Variants in AKAP13 observed in about 807,000 individuals in gnomAD.
The protein encoded by AKAP13 is A-kinase anchoring protein 13, also known as A-kinase anchor protein 13.
In AKAP13, 80 loss-of-function variants were observed where a neutral mutation model predicts 264.5. The ratio of observed to expected loss-of-function variants is 0.30; its 90% CI spans 0.25 to 0.36. The LOEUF is 0.36. Among genes scored for constraint, AKAP13 ranks in the 10% least tolerant of loss-of-function variants. AKAP13 has a pLI of 1.00. For missense variants in AKAP13, 3,712 were observed against 3,435.2 expected (o/e 1.08, Z -2.01); for synonymous variants, 1,380 against 1,250.2 (o/e 1.10, Z -2.19).
At chr15:85,610,296 G>C (rs1353641646) in intron 8 of AKAP13, among the ~76,000 whole-genome samples, 1 of 152,122 alleles carries the variant, frequency 6.6e-6, no homozygotes, top group East Asian at 1.9e-4. Context: ...CTCACTTGTT[G>C]CCTCTTCCCT....
intron 2 of AKAP13, among the ~76,000 whole-genome samples, chr15:85,485,966 A>T (rs2075528173): frequency 6.6e-6 from 1 of 152,240 alleles, no homozygotes; most frequent in South Asian, 2.1e-4. Flanking sequence ...TAATACCTGT[A>T]AGACTTGAGA....
chr15:85,414,622 AATAAG>A (rs1462686555), intron 1 of AKAP13, among the ~76,000 whole-genome samples: 4 of 152,178 alleles, frequency 2.6e-5, no homozygotes, highest in Non-Finnish European at 5.9e-5. Flanking sequence ...GGAGCTCCAA[AATAAG>A]ATAAGGAAGT....
In AKAP13 at chr15:85,638,001, C is replaced by T. The variant is rs1242296483; in HGVS notation, c.4162-1373C>T. Among the ~76,000 whole-genome samples the T allele has an allele frequency of 1.8e-4, 15 of 85,310 alleles. No individual in the cohort carries two copies. In the East Asian group the frequency reaches 0.015, roughly 86 times the overall value. The allele number at this position is 85,310 out of a possible 152,430, so 56.0% of individuals were successfully genotyped here. On this transcript the variant is annotated intron_variant, in intron 8 of 36. Coordinates refer to ENST00000394518, the MANE Select transcript of AKAP13 (RefSeq NM_007200.5). ...TGCCGTTCTGCCTCAGCCTCCTGAC[C>T]CTGAGTAGCTGCGACTGCAGGCGCC...
At position 85,727,128 on chromosome 15, in the gene AKAP13, G is replaced by A. The variant is rs1328039634; in HGVS notation, c.6885G>A (p.Glu2295=). 6.2e-7 allele frequency: 1 copy of A among 1,614,112 alleles called. No homozygotes were observed. Residue 2295 remains glutamate (E), a synonymous_variant, in exon 28 of 37, where the codon GAG becomes GAA. Transcript: ENST00000394518. The surrounding 1 kb of genome is among the most constrained non-coding windows in gnomAD (Gnocchi z 5.3). ...KLIVREVAHE[E]KGLFLISMGM... ...TTGTGAGAGAAGTGGCACATGAGGA[G>A]AAAGGTTTATTCCTGATCAGCATGG...
chr15:85,576,805 T>C (rs939744821), intron 6 of AKAP13, among the ~76,000 whole-genome samples: 1 of 152,222 alleles, frequency 6.6e-6, no homozygotes, highest in South Asian at 2.1e-4. Flanking sequence ...TCCTTAGAGC[T>C]CTTTTTACTA....
rs183956121 is a variant in AKAP13 at position 85,748,657 on chromosome 15, G to T, written c.*3980G>T. 6.6e-6 allele frequency: 1 copy of T among 152,190 alleles called. No individual in the cohort carries two copies. Among genetic ancestry groups the T allele is most frequent in the Non-Finnish European group, 1.5e-5 (1 of 68,046 alleles). The allele number at this position is 152,190 out of a possible 1,614,324, so 9.4% of individuals were successfully genotyped here. On this transcript the variant is annotated 3_prime_UTR_variant, in exon 37 of 37. Coordinates refer to ENST00000394518, the MANE Select transcript of AKAP13 (RefSeq NM_007200.5). ...TGCTGCCATAAAAGGGAGGCGGGGG[G>T]GAGGAAGGGAAAATAAAGGCATCTT...
intron 16 of AKAP13, among the ~76,000 whole-genome samples, chr15:85,686,464 A>G (rs761617589): frequency 2.0e-5 from 3 of 152,192 alleles, no homozygotes; most frequent in Non-Finnish European, 4.4e-5. Context: ...CAAACGTGCC[A>G]CAAGAATTGT....
In AKAP13 at chr15:85,508,906, T is replaced by C. The variant is rs140343351; in HGVS notation, c.34-12522T>C. ...ATTCAGGTTTCAGCTCAAATTTGCC[T>C]TCCTTGGAGGAGCTTTTCCAGACCA... is the stretch of plus-strand genomic sequence containing the variant. On this transcript the variant is annotated intron_variant, in intron 2 of 36. Coordinates refer to ENST00000394518, the MANE Select transcript of AKAP13 (RefSeq NM_007200.5). Among the ~76,000 whole-genome samples, 99 of 152,276 alleles carry C rather than the reference T, an allele frequency of 6.5e-4. 1 individual carries two copies. Among genetic ancestry groups the C allele is most frequent in the African/African-American group, 2.3e-3 (95 of 41,562 alleles).
chr15:85,705,226 C>T (rs1057326362), intron 17 of AKAP13, among the ~76,000 whole-genome samples: 8 of 152,224 alleles, frequency 5.3e-5, no homozygotes, highest in East Asian at 1.9e-4. Context: ...AACCTTTTTA[C>T]GTGATAGTGC....
rs375977980 is a variant in AKAP13 at position 85,581,307 on chromosome 15, C to A, written c.3239C>A (p.Ala1080Asp). 39 of 1,614,050 alleles carry A rather than the reference C, an allele frequency of 2.4e-5. No homozygotes were observed. The highest frequency in any genetic ancestry group is 1.9e-5 in the Non-Finnish European group (23 of 1,180,040). Reference protein sequence around the residue: ...KNTQSQGKTSACEVSGDVTVD... With the variant: ...KNTQSQGKTSDCEVSGDVTVD... The stretch of plus-strand genomic sequence containing the variant: ...ACTCAATCCCAGGGAAAAACTAGTG[C>A]CTGTGAGGTGAGTGGAGATGTGACG... The change falls in exon 7 of 37, where the codon GCC (alanine) becomes GAC (aspartate). Residue 1080 changes from alanine (A) to aspartate (D), a missense_variant. By Grantham distance (126) the Ala-to-Asp change is moderately radical. Transcript: ENST00000394518.
At chr15:85,402,182 A>G (rs774104494) in intron 1 of AKAP13, among the ~76,000 whole-genome samples, 5 of 152,174 alleles carry the variant, frequency 3.3e-5, no homozygotes, top group Non-Finnish European at 5.9e-5. Flanking sequence ...GAATTACATC[A>G]AGGGCCCAAG....
chr15:85,640,367 A>G (rs1386928542), intron 9 of AKAP13, among the ~76,000 whole-genome samples: 1 of 152,100 alleles, frequency 6.6e-6, no homozygotes, highest in African/African-American at 2.4e-5. Context: ...CCTAGTCTTC[A>G]TTTGCAGGTC....
chr15:85,494,160 C>T (rs1355580991), intron 2 of AKAP13, among the ~76,000 whole-genome samples: 3 of 152,282 alleles, frequency 2.0e-5, no homozygotes, highest in East Asian at 3.9e-4. Flanking sequence ...GATTCAATAC[C>T]ACCTTAACTA....
In AKAP13 at chr15:85,743,574, C is replaced by G; in HGVS notation, c.8141C>G (p.Ser2714Cys). The G allele has an allele frequency of 6.2e-7, 1 of 1,614,226 alleles. No individual in the cohort carries two copies. The highest frequency in any genetic ancestry group is 8.5e-7 in the Non-Finnish European group (1 of 1,180,044). Reference protein sequence around the residue: ...PEEPPSPSAPSIAKSGSLDSE... With the variant: ...PEEPPSPSAPCIAKSGSLDSE... ...GAGCCCCCCTCGCCATCTGCACCTT[C>G]CATAGCCAAATCAGGGTCATTGGAC... The change falls in exon 36 of 37, where the codon TCC (serine) becomes TGC (cysteine). Residue 2714 changes from serine to cysteine, a missense_variant. Physicochemically the swap from Ser to Cys is moderately radical, Grantham distance 112. Around this residue, in one of 3 missense-constraint regions of AKAP13, gnomAD observed 611 missense variants for 539.3 expected, o/e 1.13. Transcript: ENST00000394518.
chr15:85,478,196 A>G (rs2075237577), intron 1 of AKAP13, among the ~76,000 whole-genome samples: 1 of 152,246 alleles, frequency 6.6e-6, no homozygotes, highest in South Asian at 2.1e-4. Context: ...CTAAAGCTCA[A>G]TAACTTAGTA....
chr15:85,589,092 G>A (rs2151325628), intron 8 of AKAP13, among the ~76,000 whole-genome samples: 2 of 152,222 alleles, frequency 1.3e-5, no homozygotes, highest in South Asian at 2.1e-4. Flanking sequence ...ACTCTTCTCC[G>A]TGGTGCTCTG....
intron 2 of AKAP13, among the ~76,000 whole-genome samples, chr15:85,504,529 A>G (rs1280572889): frequency 2.2e-4 from 30 of 136,852 alleles, no homozygotes; most frequent in Admixed American, 3.7e-4. Flanking sequence ...AAAAAAAAAA[A>G]AAAAAAGAAA....
chr15:85,711,412 C>G (rs1188783436), intron 19 of AKAP13, among the ~76,000 whole-genome samples: 1 of 152,032 alleles, frequency 6.6e-6, no homozygotes, highest in African/African-American at 2.4e-5. Context: ...TCCTTCTAAT[C>G]TGCCATATTT....
chr15:85,620,029 T>C, intron 8 of AKAP13: 1 of 1,533,690 alleles, frequency 6.5e-7, no homozygotes, highest in Non-Finnish European at 8.7e-7. Context: ...CTTGCACTGG[T>C]CCCCAAGTTA....
Sources: allele counts gnomAD v4.1 joint callset (sites outside exome capture counted in the v4.1 genomes callset), GRCh38; gene constraint gnomAD v4.1.1; regional missense constraint gnomAD v4.1.1; non-coding constraint Gnocchi (gnomAD v3.1); transcripts MANE v1.5; gene names NCBI Gene and HGNC (gene_info 2026-07-23, HGNC 2026-07-21).